The following CAMK1D variants were observed in gnomAD, a reference collection of about 807,000 sequenced individuals.
CAMK1D encodes the protein calcium/calmodulin-dependent protein kinase type 1D.
CAMK1D carries 9 observed loss-of-function variants against 47.7 expected under a neutral mutation model. The observed-to-expected ratio is 0.19, with a 90% CI of 0.11 to 0.33. CAMK1D has a LOEUF of 0.33. CAMK1D is among the 10% of genes least tolerant of loss of function. The probability of loss-of-function intolerance (pLI) is 1.00; values close to 1 mark genes in which losing one functional copy is unlikely to be tolerated. For synonymous variants in CAMK1D, 184 were observed against 184.9 expected (o/e 0.99, Z 0.04); for missense variants, 291 against 488.7 (o/e 0.60, Z 3.81).
At chr10:12,571,453 CAAAA>C (rs766454210) in intron 2 of CAMK1D, among the ~76,000 whole-genome samples, 2 of 89,750 alleles carry the variant, frequency 2.2e-5, no homozygotes. Flanking sequence ...GACTCCATCA[CAAAA>C]AAAAAAAAAA....
At chr10:12,638,106 C>G (rs937069675) in intron 2 of CAMK1D, among the ~76,000 whole-genome samples, 2 of 152,078 alleles carry the variant, frequency 1.3e-5, no homozygotes, top group African/African-American at 4.8e-5. Flanking sequence ...TCTGGGTTTG[C>G]TAGAAGCCCT....
intron 1 of CAMK1D, among the ~76,000 whole-genome samples, chr10:12,405,599 A>G (rs970152882): frequency 1.8e-4 from 27 of 152,246 alleles, no homozygotes; most frequent in African/African-American, 6.3e-4. Flanking sequence ...TTGTCTTGTT[A>G]TATAAGTGAA....
intron 6 of CAMK1D, among the ~76,000 whole-genome samples, chr10:12,798,591 G>T (rs1564570040): frequency 1.3e-5 from 2 of 152,186 alleles, no homozygotes; most frequent in Admixed American, 1.3e-4. Flanking sequence ...AGCTAGTCCA[G>T]GCTGCGGGAA....
At chr10:12,466,651 G>C (rs1234636713) in intron 1 of CAMK1D, among the ~76,000 whole-genome samples, 1 of 149,558 alleles carries the variant, frequency 6.7e-6, no homozygotes, top group Non-Finnish European at 1.5e-5. Flanking sequence ...TTATTTGTAA[G>C]TAACAGATGA....
At chr10:12,419,852 A>T (rs774112661) in intron 1 of CAMK1D, among the ~76,000 whole-genome samples, 1 of 152,184 alleles carries the variant, frequency 6.6e-6, no homozygotes, top group African/African-American at 2.4e-5. Flanking sequence ...TCCTGTTGTC[A>T]TAGTGATTTA....
intron 3 of CAMK1D, among the ~76,000 whole-genome samples, chr10:12,688,916 C>G (rs182829588): frequency 3.0e-4 from 46 of 152,326 alleles, no homozygotes; most frequent in African/African-American, 1.1e-3. Context: ...TTCCTGACCT[C>G]AGCAGATCCA....
intron 2 of CAMK1D, among the ~76,000 whole-genome samples, chr10:12,601,501 T>G (rs1205603227): frequency 3.9e-5 from 6 of 152,190 alleles, no homozygotes; most frequent in Non-Finnish European, 8.8e-5. Context: ...TCTTGCTCTA[T>G]TGTCCAGGCT....
intron 5 of CAMK1D, among the ~76,000 whole-genome samples, chr10:12,781,355 C>T (rs770245496): frequency 6.6e-6 from 1 of 152,242 alleles, no homozygotes; most frequent in African/African-American, 2.4e-5. Context: ...ACAGCAGTGC[C>T]GTTTGTGGCC....
At chr10:12,439,185 A>G (rs532385962) in intron 1 of CAMK1D, among the ~76,000 whole-genome samples, 2 of 152,252 alleles carry the variant, frequency 1.3e-5, no homozygotes, top group East Asian at 1.9e-4. Context: ...ACAGACTAAC[A>G]TTATTTTTCT....
At chr10:12,622,726 C>G (rs928164257) in intron 2 of CAMK1D, among the ~76,000 whole-genome samples, 1 of 151,988 alleles carries the variant, frequency 6.6e-6, no homozygotes, top group Non-Finnish European at 1.5e-5. Context: ...TGGAGCGGCC[C>G]GGGAGGCTTT....
At chr10:12,392,018 A>ACACACACACAC (rs1383103500) in intron 1 of CAMK1D, among the ~76,000 whole-genome samples, 1 of 95,798 alleles carries the variant, frequency 1.0e-5, no homozygotes, top group African/African-American at 4.0e-5. Flanking sequence ...CACACACACA[A>ACACACACACAC]ACAGTCTGGG....
intron 1 of CAMK1D, among the ~76,000 whole-genome samples, chr10:12,380,214 CA>C (rs924490819): frequency 6.7e-6 from 1 of 149,894 alleles, no homozygotes; most frequent in African/African-American, 2.4e-5. Flanking sequence ...GACTCTATCT[CA>C]AAAAAAAAGA....
chr10:12,382,123 G>C (rs939820086), intron 1 of CAMK1D, among the ~76,000 whole-genome samples: 2 of 152,094 alleles, frequency 1.3e-5, no homozygotes, highest in Admixed American at 1.3e-4. Flanking sequence ...ATGTCATTTT[G>C]CTTAAAGTCA....
At chr10:12,575,167 ACT>A (rs1164101228) in intron 2 of CAMK1D, among the ~76,000 whole-genome samples, 3 of 151,916 alleles carry the variant, frequency 2.0e-5, no homozygotes, top group Non-Finnish European at 4.4e-5. Context: ...ATCTTGGCTC[ACT>A]GCAACCTCTG....
At chr10:12,773,754 C>G (rs1837148380) in intron 5 of CAMK1D, among the ~76,000 whole-genome samples, 1 of 152,088 alleles carries the variant, frequency 6.6e-6, no homozygotes, top group African/African-American at 2.4e-5. Context: ...ATTAGCCAGG[C>G]AAGGTGGCAG....
In CAMK1D at chr10:12,358,045, T is replaced by G. The variant is rs190337868; in HGVS notation, c.92+8135T>G. The stretch of plus-strand genomic sequence containing the variant: ...CTGTGTCTTGTGCTGTTTTTCCAAA[T>G]CTTTCAGCAGGACTTAGAAATGGAG... On this transcript the variant is annotated intron_variant, in intron 1 of 10. Transcript: ENST00000619168. Among the ~76,000 whole-genome samples the G allele has an allele frequency of 9.2e-5, 14 of 152,228 alleles. No homozygotes were observed. In the East Asian group the frequency reaches 2.1e-3, roughly 23 times the overall value.
chr10:12,423,441 G>A (rs1840124511), intron 1 of CAMK1D, among the ~76,000 whole-genome samples: 1 of 152,042 alleles, frequency 6.6e-6, no homozygotes, highest in Non-Finnish European at 1.5e-5. Context: ...CTTGAGCCCA[G>A]GAGGTTGAAG....
chr10:12,759,681 C>T (rs565193199), intron 3 of CAMK1D, among the ~76,000 whole-genome samples: 53 of 152,264 alleles, frequency 3.5e-4, no homozygotes, highest in African/African-American at 1.2e-3. Flanking sequence ...GTCAGTTTGC[C>T]TTGGAAATGA....
At chr10:12,654,278 A>T (rs1840059542) in intron 2 of CAMK1D, among the ~76,000 whole-genome samples, 1 of 152,224 alleles carries the variant, frequency 6.6e-6, no homozygotes. Flanking sequence ...AGTGAATCTG[A>T]AACAAGCTTT....
Sources: allele counts gnomAD v4.1 joint callset (sites outside exome capture counted in the v4.1 genomes callset), GRCh38; gene constraint gnomAD v4.1.1; transcripts MANE v1.5; gene names NCBI Gene and HGNC (gene_info 2026-07-23, HGNC 2026-07-21).